The following NRXN3 variants were observed in gnomAD, a reference collection of about 807,000 sequenced individuals.
The protein encoded by NRXN3 is neurexin 3.
NRXN3 carries 32 observed loss-of-function variants against 137.6 expected under a neutral mutation model. The ratio of observed to expected loss-of-function variants is 0.23; its 90% CI spans 0.18 to 0.31. NRXN3 has a LOEUF of 0.31. NRXN3 is among the 10% of genes least tolerant of loss of function. The probability of loss-of-function intolerance (pLI) is 1.00; values close to 1 mark genes in which losing one functional copy is unlikely to be tolerated. For synonymous variants in NRXN3, 798 were observed against 784.5 expected, an observed-to-expected ratio of 1.02 and a Z score of -0.29; for missense variants, 1,574 against 2,062.5, an observed-to-expected ratio of 0.76 and a Z score of 4.59.
chr14:79,193,949 G>A (rs2064782617), intron 15 of NRXN3, among the ~76,000 whole-genome samples: 1 of 152,196 alleles, frequency 6.6e-6, no homozygotes, highest in Admixed American at 6.5e-5. Flanking sequence ...CAACCCAGAT[G>A]AGACAATCCT....
intron 4 of NRXN3, among the ~76,000 whole-genome samples, chr14:78,576,598 C>T (rs1187272150): frequency 2.0e-5 from 3 of 152,234 alleles, no homozygotes; most frequent in South Asian, 4.1e-4. Flanking sequence ...CTAGCCTATT[C>T]TCATGTCATT....
intron 10 of NRXN3, among the ~76,000 whole-genome samples, chr14:78,888,848 T>TACACACACACACACAC (rs59053009): frequency 0.021 from 3,079 of 146,390 alleles, 120 homozygotes; most frequent in African/African-American, 0.073. Context: ...ATCACACACA[T>TACACACACACACACAC]ACACACACAC....
intron 10 of NRXN3, among the ~76,000 whole-genome samples, chr14:78,909,127 C>T (rs547156289): frequency 6.6e-6 from 1 of 152,246 alleles, no homozygotes; most frequent in East Asian, 1.9e-4. Flanking sequence ...AGATCAGCTG[C>T]AGACAAAAGC....
intron 2 of NRXN3, among the ~76,000 whole-genome samples, chr14:78,275,740 C>T (rs1029877611): frequency 7.2e-5 from 11 of 152,108 alleles, no homozygotes; most frequent in African/African-American, 2.7e-4. Context: ...ACCCTTGGAG[C>T]TCAAGTGGGA....
chr14:79,139,584 C>T (rs1426319881), intron 15 of NRXN3, among the ~76,000 whole-genome samples: 3 of 152,130 alleles, frequency 2.0e-5, no homozygotes, highest in South Asian at 2.1e-4. Flanking sequence ...GAAAACATCT[C>T]TGACTTGCTG....
rs190425259 is a variant in NRXN3 at position 79,075,639 on chromosome 14, C to T, written c.3262+87498C>T. On this transcript the variant is annotated intron_variant, in intron 15 of 20. Transcript: ENST00000335750. ...TCTTCCTTTCTGTCCAACTCTCTGC[C>T]AAAACATATTTTTCATTTTTATACC... 3.9e-5 allele frequency among the ~76,000 whole-genome samples: 6 copies of T among 152,174 alleles called. No individual in the cohort carries two copies. In the East Asian group the frequency reaches 1.2e-3, roughly 29 times the overall value.
Position 79,414,213 on chromosome 14 carries a change from G to A in NRXN3, c.3263-53008G>A, listed in dbSNP as rs1283724101. On this transcript the variant is annotated intron_variant, in intron 15 of 20. Transcript: ENST00000335750. ...ATGTTTGAGTAAGAAATGCAGAATA[G>A]GACCATATGTTAGGCAGGGTTATAG... 2.6e-5 allele frequency among the ~76,000 whole-genome samples: 4 copies of A among 152,040 alleles called. No homozygotes were observed. The East Asian group carries it at 7.7e-4, about 29-fold the overall frequency.
At chr14:79,410,281 T>C (rs2095397113) in intron 15 of NRXN3, among the ~76,000 whole-genome samples, 1 of 152,044 alleles carries the variant, frequency 6.6e-6, no homozygotes, top group Non-Finnish European at 1.5e-5. Flanking sequence ...AATTAGACCC[T>C]CAAGCCTCTT....
intron 4 of NRXN3, among the ~76,000 whole-genome samples, chr14:78,370,913 A>T (rs573532860): frequency 6.6e-6 from 1 of 152,236 alleles, no homozygotes; most frequent in Non-Finnish European, 1.5e-5. Flanking sequence ...GAATTAATTC[A>T]TCAAACTACA....
chr14:78,189,474 C>G (rs1234668144), intron 1 of NRXN3, among the ~76,000 whole-genome samples: 1 of 152,206 alleles, frequency 6.6e-6, no homozygotes, highest in Non-Finnish European at 1.5e-5. Flanking sequence ...TCTGCCTCCT[C>G]TTCCATTCTT....
intron 6 of NRXN3, among the ~76,000 whole-genome samples, chr14:78,694,336 G>T (rs1232859230): frequency 1.3e-5 from 2 of 151,888 alleles, no homozygotes; most frequent in African/African-American, 4.8e-5. Context: ...TCTTTTAATA[G>T]AGTAAGTTAT....
Position 79,520,987 on chromosome 14 carries a change from G to A in NRXN3, c.3444+53585G>A, listed in dbSNP as rs2097058863. On this transcript the variant is annotated intron_variant, in intron 16 of 20. Transcript: ENST00000335750. ...GCACATGTATGTTTATTGCAGCACT[G>A]TTTACAATAGCAAAGACTTGGAACC... 2.0e-5 allele frequency among the ~76,000 whole-genome samples: 3 copies of A among 152,076 alleles called. No homozygotes were observed. The South Asian group carries it at 6.2e-4, about 32-fold the overall frequency.
At chr14:78,335,782 G>A (rs989978446) in intron 4 of NRXN3, among the ~76,000 whole-genome samples, 24 of 152,100 alleles carry the variant, frequency 1.6e-4, no homozygotes, top group African/African-American at 5.6e-4. Context: ...AGCACTCTCT[G>A]CATGAAAAGC....
intron 15 of NRXN3, among the ~76,000 whole-genome samples, chr14:79,455,147 C>T (rs907349361): frequency 2.6e-5 from 4 of 152,138 alleles, no homozygotes; most frequent in South Asian, 4.1e-4. Context: ...ATAGTTCTGG[C>T]GGCTGAGAAG....
At chr14:78,831,549 A>C (rs1339558713) in intron 10 of NRXN3, among the ~76,000 whole-genome samples, 2 of 151,018 alleles carry the variant, frequency 1.3e-5, no homozygotes, top group Non-Finnish European at 3.0e-5. Flanking sequence ...AAAAAAAAAA[A>C]AAAAAAAAAA....
chr14:78,498,932 T>C (rs541502892), intron 4 of NRXN3, among the ~76,000 whole-genome samples: 1 of 152,204 alleles, frequency 6.6e-6, no homozygotes, highest in East Asian at 1.9e-4. Flanking sequence ...GGTCAGCTCA[T>C]AGCTCCATCT....
intron 2 of NRXN3, among the ~76,000 whole-genome samples, chr14:78,275,947 G>C (rs880373): frequency 6.6e-6 from 1 of 152,164 alleles, no homozygotes; most frequent in African/African-American, 2.4e-5. Context: ...TTGCCATTTC[G>C]TTCTGTCAAT....
At chr14:79,095,036 A>G (rs1241458756) in intron 15 of NRXN3, among the ~76,000 whole-genome samples, 1 of 149,718 alleles carries the variant, frequency 6.7e-6, no homozygotes, top group Non-Finnish European at 1.5e-5. Flanking sequence ...TCAATGCATC[A>G]AAATGGACAG....
chr14:78,258,586 C>T (rs954965228), intron 2 of NRXN3, among the ~76,000 whole-genome samples: 6 of 151,858 alleles, frequency 4.0e-5, no homozygotes, highest in Admixed American at 6.6e-5. Flanking sequence ...TATTTAGGAT[C>T]GTGGGGGAAA....
Sources: gnomAD v4.1 joint callset for allele counts (sites outside exome capture counted in the v4.1 genomes callset) on GRCh38, gnomAD v4.1.1 for gene constraint, MANE v1.5 for transcripts, NCBI Gene and HGNC (gene_info 2026-07-23, HGNC 2026-07-21) for gene names.